Variants in ASIC2 observed in about 807,000 individuals in gnomAD.
ASIC2 encodes the protein acid sensing ion channel subunit 2.
ASIC2 carries 25 observed loss-of-function variants against 57.3 expected under a neutral mutation model. The observed-to-expected ratio is 0.44, with a 90% CI of 0.32 to 0.61. ASIC2 has a LOEUF of 0.61. Among genes scored for constraint, ASIC2 ranks in the 20% least tolerant of loss-of-function variants. ASIC2 has a pLI of 0.06. For missense variants in ASIC2, 641 were observed against 738.1 expected (o/e 0.87, Z 1.52); for synonymous variants, 319 against 307.5 (o/e 1.04, Z -0.39).
intron 1 of ASIC2, among the ~76,000 whole-genome samples, chr17:34,107,369 G>A (rs892667136): frequency 6.6e-6 from 1 of 152,012 alleles, no homozygotes; most frequent in African/African-American, 2.4e-5. Context: ...ATTAGCTAGG[G>A]GTGGTGGTGA....
At chr17:33,546,822 G>A (rs1915592249) in intron 1 of ASIC2, among the ~76,000 whole-genome samples, 1 of 152,132 alleles carries the variant, frequency 6.6e-6, no homozygotes, top group East Asian at 1.9e-4. Flanking sequence ...TGCTAGCACA[G>A]GACCTCACTC....
At chr17:33,287,759 T>A (rs9896324) in intron 1 of ASIC2, among the ~76,000 whole-genome samples, 76,352 of 151,890 alleles carry the variant, frequency 0.5, 19,387 homozygotes, top group East Asian at 0.76. Context: ...CAGCTGGCAC[T>A]TCCCCCCAAA....
At chr17:33,739,983 G>C (rs559188614) in intron 1 of ASIC2, among the ~76,000 whole-genome samples, 1 of 141,996 alleles carries the variant, frequency 7.0e-6, no homozygotes, top group Admixed American at 7.0e-5. Context: ...AAGAAAGAAA[G>C]AAAAAAGAAA....
intron 1 of ASIC2, among the ~76,000 whole-genome samples, chr17:33,388,116 A>AAAACAACC (rs1171340905): frequency 9.7e-6 from 1 of 102,596 alleles, no homozygotes; most frequent in Non-Finnish European, 2.2e-5. Context: ...ACAAAACAAC[A>AAAACAACC]ACAACAAAAC....
At chr17:33,081,803 G>A (rs140067946) in intron 3 of ASIC2, among the ~76,000 whole-genome samples, 23 of 152,336 alleles carry the variant, frequency 1.5e-4, no homozygotes, top group Non-Finnish European at 3.2e-4. Context: ...GTGAGCCATG[G>A]TGGGATTCCC....
chr17:33,914,469 G>A (rs901608853), intron 1 of ASIC2, among the ~76,000 whole-genome samples: 1 of 152,166 alleles, frequency 6.6e-6, no homozygotes, highest in Non-Finnish European at 1.5e-5. Flanking sequence ...GGGGAGCCTC[G>A]ATGAATCTGC....
At chr17:33,772,205 G>A (rs941599791) in intron 1 of ASIC2, among the ~76,000 whole-genome samples, 18 of 152,272 alleles carry the variant, frequency 1.2e-4, no homozygotes, top group African/African-American at 4.3e-4. Flanking sequence ...TTTGACTATG[G>A]GTCATAAGAC....
At chr17:33,345,824 C>T (rs1907920576) in intron 1 of ASIC2, among the ~76,000 whole-genome samples, 1 of 151,904 alleles carries the variant, frequency 6.6e-6, no homozygotes, top group Admixed American at 6.6e-5. Context: ...TGCATGGAGA[C>T]CAGGAATGAA....
chr17:33,752,312 ACTT>A (rs1357670183), intron 1 of ASIC2, among the ~76,000 whole-genome samples: 3 of 152,118 alleles, frequency 2.0e-5, no homozygotes, highest in East Asian at 1.9e-4. Context: ...CCTTAGCACC[ACTT>A]CTTCTAACCC....
In ASIC2 at chr17:33,505,884, C is replaced by T. The variant is rs139485634; in HGVS notation, c.556-393817G>A. The stretch of plus-strand genomic sequence containing the variant: ...GCACCAGGGTGAGCAGCTCTCATAA[C>T]TCATTATCATGCATTTTATTAGAGT... On this transcript the variant is annotated intron_variant, in intron 1 of 9. Transcript: ENST00000359872. Among the ~76,000 whole-genome samples the T allele has an allele frequency of 4.9e-3, 748 of 152,322 alleles. 6 individuals carry two copies. The highest frequency in any genetic ancestry group is 0.017 in the African/African-American group (704 of 41,560).
chr17:33,345,232 A>G (rs2142241637), intron 1 of ASIC2, among the ~76,000 whole-genome samples: 1 of 152,302 alleles, frequency 6.6e-6, no homozygotes, highest in African/African-American at 2.4e-5. Flanking sequence ...AGAGATTAGC[A>G]GTTTTTCCCC....
intron 1 of ASIC2, among the ~76,000 whole-genome samples, chr17:33,115,467 G>A (rs1045448935): frequency 1.8e-4 from 27 of 152,292 alleles, no homozygotes; most frequent in Non-Finnish European, 1.2e-4. Flanking sequence ...CTTTCTCCCT[G>A]CTCTCACAGG....
chr17:33,675,945 G>C (rs1336122469), intron 1 of ASIC2, among the ~76,000 whole-genome samples: 1 of 152,130 alleles, frequency 6.6e-6, no homozygotes, highest in African/African-American at 2.4e-5. Flanking sequence ...AAAATTTGTG[G>C]CAATCCAGCG....
At chr17:34,144,037 A>C (rs1387237369) in intron 1 of ASIC2, among the ~76,000 whole-genome samples, 1 of 152,242 alleles carries the variant, frequency 6.6e-6, no homozygotes, top group African/African-American at 2.4e-5. Flanking sequence ...CATTTAGGAT[A>C]TAAAATCAGA....
At chr17:33,182,882 C>G (rs1224347636) in intron 1 of ASIC2, among the ~76,000 whole-genome samples, 1 of 152,156 alleles carries the variant, frequency 6.6e-6, no homozygotes, top group African/African-American at 2.4e-5. Context: ...AAATCCTTAT[C>G]ACTGTGACAG....
chr17:33,967,467 T>A lies in ASIC2; in HGVS notation c.555+188511A>T, dbSNP rs146596745. On this transcript the variant is annotated intron_variant, in intron 1 of 9. Coordinates refer to the ASIC2 transcript ENST00000359872. ...CCAGACTAATCTTGAACTCCGAAAC[T>A]CAAGCAATCCACCCCCCTCAGCCTC... Among the ~76,000 whole-genome samples, 523 of 152,194 alleles carry A rather than the reference T, an allele frequency of 3.4e-3. 3 individuals are homozygous for A. Among genetic ancestry groups the A allele is most frequent in the African/African-American group, 0.012 (495 of 41,528 alleles).
At chr17:33,618,331 A>G (rs1905673321) in intron 1 of ASIC2, among the ~76,000 whole-genome samples, 1 of 151,814 alleles carries the variant, frequency 6.6e-6, no homozygotes, top group Admixed American at 6.6e-5. Context: ...TGAGACTATA[A>G]TCATGAGCCA....
chr17:33,025,152 C>A (rs1179736356), intron 5 of ASIC2, among the ~76,000 whole-genome samples: 1 of 152,170 alleles, frequency 6.6e-6, no homozygotes, highest in Non-Finnish European at 1.5e-5. Context: ...TTAGCTCCAG[C>A]AAGTGCAGAT....
rs867346828 is a variant in ASIC2 at position 33,657,412 on chromosome 17, G to A, written c.555+498566C>T. 2.8e-4 allele frequency among the ~76,000 whole-genome samples: 42 copies of A among 152,176 alleles called. 1 individual carries two copies. The highest frequency in any genetic ancestry group is 9.2e-4 in the African/African-American group (38 of 41,446). On this transcript the variant is annotated intron_variant, in intron 1 of 9. Coordinates refer to the ASIC2 transcript ENST00000359872. The stretch of plus-strand genomic sequence containing the variant: ...GGCCATGAGGCAGCTGGGACTGGCC[G>A]ACCCTATGCTGGCTCCTCACATCTC...
Sources: gnomAD v4.1 joint callset for allele counts (sites outside exome capture counted in the v4.1 genomes callset) on GRCh38, gnomAD v4.1.1 for gene constraint, MANE v1.5 for transcripts, NCBI Gene and HGNC (gene_info 2026-07-23, HGNC 2026-07-21) for gene names.